ZNF490: variants seen among roughly 807,000 people sequenced by gnomAD.
ZNF490 encodes zinc finger protein 490.
In ZNF490, 11 loss-of-function variants were observed where a neutral mutation model predicts 17.7. The ratio of observed to expected loss-of-function variants is 0.62; its 90% CI spans 0.39 to 1.03. ZNF490 has a LOEUF of 1.03. Among genes scored for constraint, ZNF490 ranks in the 50% least tolerant of loss-of-function variants. The pLI, the probability that ZNF490 is intolerant of heterozygous loss-of-function variation, is 0.00. For missense variants in ZNF490, 542 were observed against 643.4 expected, an observed-to-expected ratio of 0.84 and a Z score of 1.71; for synonymous variants, 222 against 216.1, an observed-to-expected ratio of 1.03 and a Z score of -0.24.
chr19:12,601,162 G>A lies in ZNF490; in HGVS notation c.162+7996C>T, dbSNP rs529376043. Among the ~76,000 whole-genome samples, 8 of 152,084 alleles carry A rather than the reference G, an allele frequency of 5.3e-5. 1 individual carries two copies. The highest frequency in any genetic ancestry group is 1.9e-4 in the African/African-American group (8 of 41,498). ...CCAGCACTTTCGGAGGCCAAGGCGG[G>A]TAGATCACGAGGTCAGGAGATCGAG... On this transcript the variant is annotated intron_variant, in intron 2 of 4. Transcript: ENST00000311437.
At chr19:12,598,273 G>T (rs552320149) in intron 2 of ZNF490, among the ~76,000 whole-genome samples, 30 of 151,982 alleles carry the variant, frequency 2.0e-4, no homozygotes, top group Non-Finnish European at 1.5e-5. Flanking sequence ...AGCTACTCAG[G>T]ATTTTAAGAA....
At chr19:12,595,737 G>A (rs1264496180) in intron 2 of ZNF490, among the ~76,000 whole-genome samples, 1 of 151,956 alleles carries the variant, frequency 6.6e-6, no homozygotes, top group African/African-American at 2.4e-5. Flanking sequence ...ATCACCTGAG[G>A]TCAGGAGTTT....
At position 12,576,742 on chromosome 19, in the gene ZNF490, G is replaced by A. The variant is rs1217600001; in HGVS notation, c.*3743C>T. ...TGAGGCAGGAGAATTGCTTGAACCT[G>A]AGAAGTGGAGGTTGCAGTGAGCCAA... On this transcript the variant is annotated 3_prime_UTR_variant, in exon 5 of 5. Coordinates refer to ENST00000311437, the MANE Select transcript of ZNF490 (RefSeq NM_020714.3). Among the ~76,000 whole-genome samples, 1 of 145,462 alleles carries A rather than the reference G, an allele frequency of 6.9e-6. No homozygotes were observed. The highest frequency in any genetic ancestry group is 2.6e-5 in the African/African-American group (1 of 38,602).
At chr19:12,601,816 C>A (rs2023007488) in intron 2 of ZNF490, among the ~76,000 whole-genome samples, 2 of 151,266 alleles carry the variant, frequency 1.3e-5, no homozygotes, top group Admixed American at 1.3e-4. Context: ...CATGGTGAAA[C>A]CCTGTCTCTA....
Position 12,576,242 on chromosome 19 carries a change from T to G in ZNF490, c.*4243A>C, listed in dbSNP as rs1003316810. Among the ~76,000 whole-genome samples the G allele has an allele frequency of 6.6e-6, 1 of 152,154 alleles. No individual in the cohort carries two copies. Among genetic ancestry groups the G allele is most frequent in the East Asian group, 1.9e-4 (1 of 5,196 alleles). On this transcript the variant is annotated 3_prime_UTR_variant, in exon 5 of 5. Transcript: ENST00000311437. ...AAGCATTCCAGCCGGGCCTGGTGGC[T>G]CAAGCCTCTAATCCCAGCACTTTGA...
intron 2 of ZNF490, among the ~76,000 whole-genome samples, chr19:12,608,059 A>G (rs2023092408): frequency 6.6e-6 from 1 of 152,184 alleles, no homozygotes; most frequent in African/African-American, 2.4e-5. Flanking sequence ...ATCCACATGC[A>G]TGAAGGCTGT....
intron 2 of ZNF490, among the ~76,000 whole-genome samples, chr19:12,602,623 CTT>C (rs974396095): frequency 1.4e-4 from 19 of 138,508 alleles, no homozygotes; most frequent in Admixed American, 3.6e-4. Context: ...ATGTATATTT[CTT>C]TTTTTTTTTT....
At chr19:12,582,091 T>C (rs2022743053) in intron 4 of ZNF490, among the ~76,000 whole-genome samples, 1 of 151,744 alleles carries the variant, frequency 6.6e-6, no homozygotes, top group Admixed American at 6.6e-5. Context: ...CCCGCTAATT[T>C]TATATCTTTT....
At position 12,578,551 on chromosome 19, in the gene ZNF490, A is replaced by T. The variant is rs899582092; in HGVS notation, c.*1934T>A. 1 of 985,364 alleles carries T rather than the reference A, an allele frequency of 1.0e-6. No individual in the cohort carries two copies. The highest frequency in any genetic ancestry group is 1.2e-6 in the Non-Finnish European group (1 of 829,960). 61.0% of individuals were successfully genotyped at this position (985,364 alleles called of 1,614,324 possible). ...GGAAATGGAGCTGGAGATGACCTCA[A>T]AACAGCCCTGGAATAATGCAATGCT... On this transcript the variant is annotated 3_prime_UTR_variant, in exon 5 of 5. Coordinates refer to ENST00000311437, the MANE Select transcript of ZNF490 (RefSeq NM_020714.3).
Position 12,578,875 on chromosome 19 carries a change from A to G in ZNF490, c.*1610T>C. On this transcript the variant is annotated 3_prime_UTR_variant, in exon 5 of 5. Transcript: ENST00000311437. ...ATTCTTCCTACGAAGAATCTCGACA[A>G]TGGTTGCAGATGTCATTGAAGATGT... 2.0e-6 allele frequency: 2 copies of G among 985,354 alleles called. No homozygotes were observed. Among genetic ancestry groups the G allele is most frequent in the South Asian group, 4.7e-5 (1 of 21,286 alleles). 61.0% of individuals were successfully genotyped at this position (985,354 alleles called of 1,614,324 possible). A position where few individuals can be genotyped will look rare whatever the true frequency, so the allele number is the denominator to read the frequency against.
intron 2 of ZNF490, among the ~76,000 whole-genome samples, chr19:12,602,032 A>G (rs980683472): frequency 6.6e-6 from 1 of 150,464 alleles, no homozygotes; most frequent in African/African-American, 2.4e-5. Flanking sequence ...AGAAAATAAT[A>G]TTATTTCCCG....
At chr19:12,583,791 C>CTCTCTCTCTCTCTA (rs1315571249) in intron 2 of ZNF490, among the ~76,000 whole-genome samples, 1 of 68,134 alleles carries the variant, frequency 1.5e-5, no homozygotes, top group Non-Finnish European at 2.5e-5. Flanking sequence ...CTCTCTCTCT[C>CTCTCTCTCTCTCTA]TATATATATA....
intron 2 of ZNF490, among the ~76,000 whole-genome samples, chr19:12,607,470 G>A (rs2023082812): frequency 6.6e-6 from 1 of 151,906 alleles, no homozygotes; most frequent in Non-Finnish European, 1.5e-5. Flanking sequence ...AGTGAGCTGT[G>A]ATCTTGCCAC....
intron 2 of ZNF490, among the ~76,000 whole-genome samples, chr19:12,592,035 G>A (rs534839375): frequency 3.3e-5 from 5 of 152,170 alleles, no homozygotes; most frequent in South Asian, 2.1e-4. Context: ...CCTACAGAAT[G>A]ATAAAAAGAA....
intron 1 of ZNF490, 83 bp from the exon 2 acceptor site, chr19:12,609,285 T>C (rs1020388474): frequency 3.2e-6 from 4 of 1,233,526 alleles, no homozygotes; most frequent in Non-Finnish European, 4.7e-6. Flanking sequence ...GGAAGCATTG[T>C]TCCCCCTGCA....
At chr19:12,607,222 A>T (rs2023079103) in intron 2 of ZNF490, among the ~76,000 whole-genome samples, 1 of 148,286 alleles carries the variant, frequency 6.7e-6, no homozygotes, top group East Asian at 2.0e-4. Flanking sequence ...GTGGAGTCTC[A>T]CTCTGTCACC....
At chr19:12,582,823 A>G (rs1027396216) in intron 4 of ZNF490, 27 bp downstream of exon 4, 8 of 1,512,842 alleles carry the variant, frequency 5.3e-6, no homozygotes, top group Non-Finnish European at 7.3e-6. Flanking sequence ...CTCAGGGGCT[A>G]TATAATTATT....
chr19:12,576,204 G>A lies in ZNF490; in HGVS notation c.*4281C>T, dbSNP rs929059378. Among the ~76,000 whole-genome samples, 2 of 152,042 alleles carry A rather than the reference G, an allele frequency of 1.3e-5. No homozygotes were observed. Among genetic ancestry groups the A allele is most frequent in the Non-Finnish European group, 2.9e-5 (2 of 67,988 alleles). On this transcript the variant is annotated 3_prime_UTR_variant, in exon 5 of 5. Transcript: ENST00000311437. Reference sequence around the variant, plus strand: ...AAGGGGGGTGCTCCCAGGGAAATCAGGCAAGAAAATGCAAGCATTCCAGCC... The same window carrying A: ...AAGGGGGGTGCTCCCAGGGAAATCAAGCAAGAAAATGCAAGCATTCCAGCC...
At chr19:12,603,788 CAA>C (rs34129438) in intron 2 of ZNF490, among the ~76,000 whole-genome samples, 8 of 139,812 alleles carry the variant, frequency 5.7e-5, no homozygotes, top group South Asian at 2.3e-4. Context: ...GACCCTATCT[CAA>C]AAAAAAAAAA....
Sources: gnomAD v4.1 joint callset for allele counts (sites outside exome capture counted in the v4.1 genomes callset) on GRCh38, gnomAD v4.1.1 for gene constraint, MANE v1.5 for transcripts, NCBI Gene and HGNC (gene_info 2026-07-23, HGNC 2026-07-21) for gene names.